ARHGAP4: variants seen among roughly 807,000 people sequenced by gnomAD.
ARHGAP4 encodes Rho GTPase activating protein 4.
In ARHGAP4, 25 loss-of-function variants were observed where a neutral mutation model predicts 67.6. The observed-to-expected ratio is 0.37, with a 90% confidence interval of 0.27 to 0.52. The LOEUF is 0.52. ARHGAP4 is among the 20% of genes least tolerant of loss of function. The probability of loss-of-function intolerance (pLI) is 0.92; values close to 1 mark genes in which losing one functional copy is unlikely to be tolerated. For missense variants in ARHGAP4, 804 were observed against 854.6 expected (o/e 0.94, Z 0.74); for synonymous variants, 448 against 373.7 (o/e 1.20, Z -2.29).
chrX:153,921,023 G>A (rs1432222404), intron 4 of ARHGAP4, 74 bp downstream of exon 4: 4 of 1,121,780 alleles, frequency 3.6e-6, no homozygotes, highest in Non-Finnish European at 4.8e-6. Context: ...TGGTCTGGCG[G>A]TGTTCCTCCC....
intron 3 of ARHGAP4, 87 bp downstream of exon 3, chrX:153,921,278 C>T: frequency 1.1e-5 from 13 of 1,190,581 alleles, no homozygotes; most frequent in Non-Finnish European, 1.5e-5. Flanking sequence ...GCCTGCTCCC[C>T]ACCTGGCCTC....
rs782463562 is a variant in ARHGAP4, at chrX:153,921,598, C to CACCT, written c.272+3_272+6dup. ...TGCCGTGGCCCCCCTGCCAGCACATCACCTACCGGAAGCTTTGGTGCTCCC... is the reference window on the plus strand; with the variant it reads ...TGCCGTGGCCCCCCTGCCAGCACATCACCTACCTACCGGAAGCTTTGGTGCTCCC... On this transcript the variant is annotated splice_region_variant and intron_variant, in intron 2 of 21. Transcript: ENST00000350060. 8.3e-7 allele frequency: 1 copy of CACCT among 1,208,748 alleles called. No homozygotes were observed. Among genetic ancestry groups the CACCT allele is most frequent in the South Asian group, 1.8e-5 (1 of 56,650 alleles).
chrX:153,911,252 CTTT>C (rs10710691), intron 12 of ARHGAP4, 63 bp from the exon 13 acceptor site: 16,965 of 384,362 alleles, frequency 0.044, no homozygotes, highest in East Asian at 0.078. Flanking sequence ...CATTCAATTG[CTTT>C]TTTTTTTTTT....
chrX:153,909,440 C>T lies in ARHGAP4; in HGVS notation c.2507+3G>A, dbSNP rs1557102144. The T allele has an allele frequency of 3.4e-6, 4 of 1,190,580 alleles. No homozygotes were observed. The highest frequency in any genetic ancestry group is 4.5e-6 in the Non-Finnish European group (4 of 884,242). ...GCCCCCTGAGCCCCGTCTTCTTGCT[C>T]ACCGGTGGACCAGCTCCGATGCCAG... On this transcript the variant is annotated splice_donor_region_variant and intron_variant, in intron 20 of 21. Coordinates refer to ENST00000350060, the MANE Select transcript of ARHGAP4 (RefSeq NM_001666.5).
chrX:153,916,888 G>C (rs1170956958), intron 7 of ARHGAP4, among the ~76,000 whole-genome samples: 1 of 112,251 alleles, frequency 8.9e-6, no homozygotes, highest in Non-Finnish European at 1.9e-5. Context: ...GACAAGCCTG[G>C]CCAACATGGT....
Position 153,926,116 on chromosome X carries a change from A to G in ARHGAP4, c.67+20T>C. The G allele has an allele frequency of 8.3e-7, 1 of 1,202,123 alleles. No individual in the cohort carries two copies. On this transcript the variant is annotated intron_variant, in intron 1 of 21. Coordinates refer to ENST00000350060, the MANE Select transcript of ARHGAP4 (RefSeq NM_001666.5). Reference sequence around the variant, plus strand: ...GGTTCTCCGCAGGAAACGGGCCGGGAGCGCCCGGCGCCCTCTCACCTTTGA... The same window carrying G: ...GGTTCTCCGCAGGAAACGGGCCGGGGGCGCCCGGCGCCCTCTCACCTTTGA...
chrX:153,926,112 C>T (rs1569546148), intron 1 of ARHGAP4, 24 bp downstream of exon 1: 1 of 1,200,804 alleles, frequency 8.3e-7, no homozygotes, highest in Non-Finnish European at 1.1e-6. Flanking sequence ...GGAAACGGGC[C>T]GGGAGCGCCC....
At chrX:153,923,268 C>A (rs1481030279) in intron 1 of ARHGAP4, among the ~76,000 whole-genome samples, 1 of 111,452 alleles carries the variant, frequency 9.0e-6, no homozygotes, top group Non-Finnish European at 1.9e-5. Context: ...CGAGGGAGGA[C>A]TCCGCTGAGA....
Position 153,907,487 on chromosome X carries a change from A to G in ARHGAP4, c.*242T>C, listed in dbSNP as rs1421860075. 2.7e-6 allele frequency: 1 copy of G among 370,956 alleles called. No individual in the cohort carries two copies. Among genetic ancestry groups the G allele is most frequent in the East Asian group, 4.5e-5 (1 of 22,454 alleles). 30.6% of individuals were successfully genotyped at this position (370,956 alleles called of 1,213,427 possible). ...GATCAGCCTTCCACAAAGCTGCAGA[A>G]GAGGGCTTTCCCCAGCATCCTTCCT... On this transcript the variant is annotated 3_prime_UTR_variant, in exon 22 of 22. Transcript: ENST00000350060.
chrX:153,909,592 G>A (rs943518032), intron 19 of ARHGAP4, 57 bp from the exon 20 acceptor site: 261 of 981,787 alleles, frequency 2.7e-4, no homozygotes, highest in Non-Finnish European at 3.3e-4. Context: ...GGGGTCCAGG[G>A]CCAGCAGCTC....
At position 153,909,475 on chromosome X, in the gene ARHGAP4, G is replaced by A. The variant is rs782060275; in HGVS notation, c.2475C>T (p.Pro825=). Reference sequence around the variant, plus strand: ...CCAGCTCCGATGCCAGGAGGCCCTCGGGACTGCTCCCAGACTCCCCTGCAG... The same window carrying A: ...CCAGCTCCGATGCCAGGAGGCCCTCAGGACTGCTCCCAGACTCCCCTGCAG... ...LQTAGESGSS[P]EGLLASELVH... The change falls in exon 20 of 22, where the codon CCC becomes CCT. Residue 825 remains proline (P), a synonymous_variant. Coordinates refer to ENST00000350060, the MANE Select transcript of ARHGAP4 (RefSeq NM_001666.5). 30 of 1,207,265 alleles carry A rather than the reference G, an allele frequency of 2.5e-5. No homozygotes were observed. Among genetic ancestry groups the A allele is most frequent in the Middle Eastern group, 4.6e-4 (2 of 4,361 alleles).
chrX:153,920,976 G>T, intron 4 of ARHGAP4, 121 bp downstream of exon 4: 1 of 1,021,393 alleles, frequency 9.8e-7, no homozygotes, highest in African/African-American at 1.9e-5. Context: ...GCCCCTAGGT[G>T]CGTGCTTCTC....
At chrX:153,911,421 T>A (rs1557103284) in intron 12 of ARHGAP4, among the ~76,000 whole-genome samples, 1 of 110,793 alleles carries the variant, frequency 9.0e-6, no homozygotes, top group Non-Finnish European at 1.9e-5. Context: ...CGCACCAGGC[T>A]GAGTGCTTTT....
chrX:153,912,485 C>T (rs1222563748), intron 12 of ARHGAP4, among the ~76,000 whole-genome samples: 5 of 112,240 alleles, frequency 4.5e-5, no homozygotes, highest in Non-Finnish European at 9.4e-5. Flanking sequence ...TCTATACGTT[C>T]CCATTACTAG....
intron 7 of ARHGAP4, among the ~76,000 whole-genome samples, chrX:153,917,193 G>T (rs1183669906): frequency 1.8e-5 from 2 of 110,850 alleles, no homozygotes; most frequent in Non-Finnish European, 3.8e-5. Flanking sequence ...TCTAGCCTGG[G>T]CGACAGAGAA....
chrX:153,908,221 C>G (rs782189253), intron 21 of ARHGAP4, among the ~76,000 whole-genome samples: 31 of 112,323 alleles, frequency 2.8e-4, no homozygotes, highest in Non-Finnish European at 4.7e-4. Flanking sequence ...CGCCCCCACT[C>G]TTTCCCTGGC....
intron 1 of ARHGAP4, chrX:153,922,538 C>T: frequency 1.2e-5 from 6 of 495,341 alleles, no homozygotes; most frequent in Non-Finnish European, 1.5e-5. Context: ...CCTTTTGACA[C>T]CCTATCACTG....
chrX:153,913,865 G>A lies in ARHGAP4; in HGVS notation c.1047C>T (p.Cys349=), dbSNP rs781975432. 181 of 1,210,624 alleles carry A rather than the reference G, an allele frequency of 1.5e-4. 2 individuals carry two copies. In the South Asian group the frequency reaches 2.2e-3, roughly 15 times the overall value. ...PHDGDEVAEI[C]VEMELRDEIL... ...TCTCGTCCCGCAGCTCCATTTCAAC[G>A]CAGATCTCAGCCACCTGCAGAGGGC... The change falls in exon 8 of 22, where the codon TGC becomes TGT. Residue 349 remains cysteine (C), a synonymous_variant. Coordinates refer to ENST00000350060, the MANE Select transcript of ARHGAP4 (RefSeq NM_001666.5).
In ARHGAP4 at chrX:153,910,651, G is replaced by A. The variant is rs782717068; in HGVS notation, c.1817-40C>T. ...GCCCAGAGAGAGCCGCGTGAGCGGG[G>A]CTGCCCCAGCAAGTGCCCTACCCCG... On this transcript the variant is annotated intron_variant, in intron 15 of 21. Transcript: ENST00000350060. The A allele has an allele frequency of 9.3e-6, 11 of 1,183,223 alleles. No homozygotes were observed. In the South Asian group the frequency reaches 9.3e-5, roughly 10 times the overall value.
Sources: gnomAD v4.1 joint callset for allele counts (sites outside exome capture counted in the v4.1 genomes callset) on GRCh38, gnomAD v4.1.1 for gene constraint, MANE v1.5 for transcripts, NCBI Gene and HGNC (gene_info 2026-07-23, HGNC 2026-07-21) for gene names.